Variants in INSL6 observed in about 807,000 individuals in gnomAD.
The protein encoded by INSL6 is insulin-like peptide INSL6.
In INSL6, 16 loss-of-function variants were observed where a neutral mutation model predicts 9.4. The ratio of observed to expected loss-of-function variants is 1.70; its 90% CI spans 1.15 to 2.59. The LOEUF is 2.59. Ranked by LOEUF, INSL6 falls within the 30% of genes most tolerant of loss-of-function variation. The pLI is 0.00. For missense variants in INSL6, 391 were observed against 257.3 expected (o/e 1.52, Z -3.56); for synonymous variants, 154 against 96.9 (o/e 1.59, Z -3.46).
the INSL6 span, among the ~76,000 whole-genome samples, chr9:5,003,018 G>T: frequency 2.6e-5 from 4 of 151,912 alleles, no homozygotes; most frequent in African/African-American, 9.7e-5. Context: ...AAATGCAATG[G>T]CACATCTGTT....
At chr9:5,147,840 T>C (rs1824631448) in intron 2 of INSL6, among the ~76,000 whole-genome samples, 1 of 152,248 alleles carries the variant, frequency 6.6e-6, no homozygotes, top group South Asian at 2.1e-4. Flanking sequence ...CTTCCATTAA[T>C]ACTTCTGATT....
At chr9:5,034,775 A>C in the INSL6 span, among the ~76,000 whole-genome samples, 1 of 152,194 alleles carries the variant, frequency 6.6e-6, no homozygotes, top group African/African-American at 2.4e-5. Context: ...AAAGGCCCAC[A>C]AGAGAAAGCA....
chr9:5,065,578 C>T, the INSL6 span, among the ~76,000 whole-genome samples: 1 of 152,140 alleles, frequency 6.6e-6, no homozygotes, highest in Non-Finnish European at 1.5e-5. Context: ...GCTAATGCAA[C>T]CGAGGAACTG....
At chr9:5,080,165 T>G in the INSL6 span, 31 of 1,229,390 alleles carry the variant, frequency 2.5e-5, no homozygotes, top group Middle Eastern at 2.0e-4. Context: ...TAAAGCTATT[T>G]ACATATAAAA....
downstream of INSL6, among the ~76,000 whole-genome samples, chr9:5,159,318 G>T (rs62541944): frequency 0.25 from 37,803 of 151,194 alleles, 4,982 homozygotes; most frequent in South Asian, 0.3. Context: ...AATGTGAGGG[G>T]ACTAAACTCC....
chr9:4,998,391 G>C, the INSL6 span, among the ~76,000 whole-genome samples: 1 of 152,014 alleles, frequency 6.6e-6, no homozygotes, highest in Non-Finnish European at 1.5e-5. Flanking sequence ...CGAGTAACTG[G>C]GATTATAGGC....
At chr9:5,165,764 T>C (rs959622344) in intron 1 of INSL6, among the ~76,000 whole-genome samples, 1 of 152,220 alleles carries the variant, frequency 6.6e-6, no homozygotes, top group Non-Finnish European at 1.5e-5. Flanking sequence ...CAATACTGGA[T>C]ACTGGAAACC....
At chr9:5,048,737 A>G in the INSL6 span, among the ~76,000 whole-genome samples, 1 of 152,188 alleles carries the variant, frequency 6.6e-6, no homozygotes, top group Admixed American at 6.5e-5. Context: ...ATACTTTTAA[A>G]TATGTTTCTT....
the INSL6 span, among the ~76,000 whole-genome samples, chr9:5,033,542 T>C: frequency 2.6e-5 from 4 of 152,228 alleles, no homozygotes; most frequent in African/African-American, 9.7e-5. Flanking sequence ...AGCAGATCTC[T>C]TGGCAGAAAC....
At chr9:5,049,641 AT>A in the INSL6 span, among the ~76,000 whole-genome samples, 1 of 152,192 alleles carries the variant, frequency 6.6e-6, no homozygotes, top group Non-Finnish European at 1.5e-5. Flanking sequence ...TCTAAGCTAA[AT>A]TTTGGTCCCC....
At chr9:5,118,734 A>G in the INSL6 span, among the ~76,000 whole-genome samples, 5 of 152,320 alleles carry the variant, frequency 3.3e-5, 1 homozygote, top group East Asian at 9.6e-4. Flanking sequence ...AGTATCATTC[A>G]TTTCTATGAC....
the INSL6 span, among the ~76,000 whole-genome samples, chr9:5,033,177 G>C: frequency 5.9e-5 from 9 of 152,294 alleles, no homozygotes; most frequent in African/African-American, 1.7e-4. Context: ...GAAATGAAGT[G>C]AGAAGAGAAG....
the INSL6 span, chr9:5,094,297 C>G: frequency 6.6e-6 from 1 of 152,146 alleles, no homozygotes. Flanking sequence ...ATCATTGCCT[C>G]CAACCCTGGC....
chr9:5,036,920 C>T, the INSL6 span, among the ~76,000 whole-genome samples: 6,558 of 152,264 alleles, frequency 0.043, 467 homozygotes, highest in African/African-American at 0.15. Flanking sequence ...TCAGAGTGAA[C>T]AGGCAACCTA....
the INSL6 span, among the ~76,000 whole-genome samples, chr9:5,105,856 C>T: frequency 6.6e-6 from 1 of 152,116 alleles, no homozygotes; most frequent in Non-Finnish European, 1.5e-5. Context: ...AACTGGCTAG[C>T]CATATGTAGA....
chr9:5,073,669 C>T, the INSL6 span: 2 of 1,527,556 alleles, frequency 1.3e-6, no homozygotes, highest in Admixed American at 1.7e-5. Context: ...AGTCAAACAA[C>T]AATTCTTTGT....
chr9:5,121,637 G>C (rs908841289), downstream of INSL6, among the ~76,000 whole-genome samples: 5 of 152,116 alleles, frequency 3.3e-5, no homozygotes, highest in Admixed American at 2.6e-4. Context: ...ACTGGCAAGA[G>C]GCTTTGAAGC....
chr9:5,052,406 ATTT>A, the INSL6 span, among the ~76,000 whole-genome samples: 1 of 151,204 alleles, frequency 6.6e-6, no homozygotes, highest in Non-Finnish European at 1.5e-5. Flanking sequence ...ATGCTGCATC[ATTT>A]TTTTTTACTG....
the INSL6 span, chr9:5,109,369 G>A: frequency 3.9e-5 from 6 of 152,266 alleles, no homozygotes; most frequent in East Asian, 1.2e-3. Context: ...TACCAAGAAA[G>A]TATGCAAGAA....
Sources: allele counts gnomAD v4.1 joint callset (sites outside exome capture counted in the v4.1 genomes callset), GRCh38; gene constraint gnomAD v4.1.1; transcripts MANE v1.5; gene names NCBI Gene and HGNC (gene_info 2026-07-23, HGNC 2026-07-21).